Variants in PCOLCE2 observed in about 807,000 individuals in gnomAD.
PCOLCE2 encodes procollagen C-proteinase enhancer 2.
A neutral mutation model predicts 47.0 loss-of-function variants in PCOLCE2; 42 were observed. That is an observed-to-expected ratio of 0.89 (90% CI 0.70 to 1.16). The LOEUF (loss-of-function observed/expected upper bound fraction) is 1.16, where lower values mean the gene tolerates loss of function less well. PCOLCE2 is among the 50% of genes most tolerant of loss of function. PCOLCE2 has a pLI of 0.00. For missense variants in PCOLCE2, 500 were observed against 526.1 expected, an observed-to-expected ratio of 0.95 and a Z score of 0.49; for synonymous variants, 169 against 191.7, an observed-to-expected ratio of 0.88 and a Z score of 0.98.
At chr3:142,823,159 C>T (rs16852649) in intron 7 of PCOLCE2, among the ~76,000 whole-genome samples, 5,082 of 151,980 alleles carry the variant, frequency 0.033, 297 homozygotes, top group African/African-American at 0.12. Flanking sequence ...AATATAAGCT[C>T]GGGTATGTTT....
chr3:142,818,896 C>T (rs1045518905), intron 8 of PCOLCE2, among the ~76,000 whole-genome samples: 1 of 152,220 alleles, frequency 6.6e-6, no homozygotes, highest in Non-Finnish European at 1.5e-5. Context: ...GTTTCAAATG[C>T]CTGCTATGAA....
At chr3:142,857,560 A>G (rs1320036038) in intron 2 of PCOLCE2, among the ~76,000 whole-genome samples, 1 of 152,236 alleles carries the variant, frequency 6.6e-6, no homozygotes, top group African/African-American at 2.4e-5. Context: ...TGACTATAAA[A>G]AAGGGAAAAA....
chr3:142,867,526 C>T (rs537870364), intron 2 of PCOLCE2, among the ~76,000 whole-genome samples: 2 of 152,256 alleles, frequency 1.3e-5, no homozygotes, highest in East Asian at 3.9e-4. Flanking sequence ...AGAATTACAA[C>T]TTCATGATAA....
intron 2 of PCOLCE2, among the ~76,000 whole-genome samples, chr3:142,885,668 ACTC>A (rs1933706565): frequency 6.6e-6 from 1 of 151,980 alleles, no homozygotes; most frequent in Non-Finnish European, 1.5e-5. Flanking sequence ...CACCTTGTCT[ACTC>A]CACCATCTTC....
chr3:142,886,170 G>A (rs1933714987), intron 2 of PCOLCE2, among the ~76,000 whole-genome samples: 1 of 152,132 alleles, frequency 6.6e-6, no homozygotes, highest in African/African-American at 2.4e-5. Context: ...AGGAAATCAT[G>A]CCTCTCCTGA....
chr3:142,870,986 C>T (rs1481384285), intron 2 of PCOLCE2, among the ~76,000 whole-genome samples: 1 of 152,208 alleles, frequency 6.6e-6, no homozygotes, highest in East Asian at 1.9e-4. Context: ...GCTGTGACAT[C>T]ATCACCTGGG....
chr3:142,886,573 G>A (rs1355619014), intron 2 of PCOLCE2, among the ~76,000 whole-genome samples: 1 of 152,194 alleles, frequency 6.6e-6, no homozygotes, highest in Non-Finnish European at 1.5e-5. Context: ...GCATGTAAGA[G>A]CTGAGTTTTA....
At chr3:142,827,612 T>G (rs1937097815) in intron 6 of PCOLCE2, 1 of 1,474,794 alleles carries the variant, frequency 6.8e-7, no homozygotes, top group Non-Finnish European at 9.5e-7. Context: ...ATACACAAAC[T>G]GGCCCGTGTG....
chr3:142,882,730 C>T (rs1933649959), intron 2 of PCOLCE2, among the ~76,000 whole-genome samples: 2 of 151,856 alleles, frequency 1.3e-5, no homozygotes, highest in South Asian at 4.2e-4. Context: ...CAGGCATGAG[C>T]CACTGCACCT....
At chr3:142,824,939 T>C (rs1560129271) in intron 6 of PCOLCE2, among the ~76,000 whole-genome samples, 1 of 152,206 alleles carries the variant, frequency 6.6e-6, no homozygotes, top group Non-Finnish European at 1.5e-5. Flanking sequence ...ATTTATATAC[T>C]CTTAATCTGT....
intron 2 of PCOLCE2, among the ~76,000 whole-genome samples, chr3:142,851,479 T>A (rs1212997495): frequency 6.6e-6 from 1 of 151,972 alleles, no homozygotes; most frequent in Non-Finnish European, 1.5e-5. Flanking sequence ...GGAGTGACCA[T>A]GATGATGTGC....
intron 6 of PCOLCE2, chr3:142,827,053 C>CT (rs1055320574): frequency 2.1e-4 from 219 of 1,057,708 alleles, no homozygotes; most frequent in Non-Finnish European, 2.5e-4. Flanking sequence ...ATGACTCTTA[C>CT]TTTTTTTTGG....
Position 142,855,033 on chromosome 3 carries a change from G to A in PCOLCE2, c.193-6561C>T, listed in dbSNP as rs565710355. 1.1e-4 allele frequency among the ~76,000 whole-genome samples: 17 copies of A among 152,126 alleles called. No homozygotes were observed. The South Asian group carries it at 3.1e-3, about 28-fold the overall frequency. On this transcript the variant is annotated intron_variant, in intron 2 of 8. Transcript: ENST00000295992. ...CCCTCCGAGCTGGTTCCCACCTAAG[G>A]GCCTTTGCACAGCCTGGTCCTCTGC...
At chr3:142,853,263 GC>G in intron 2 of PCOLCE2, among the ~76,000 whole-genome samples, 1 of 152,092 alleles carries the variant, frequency 6.6e-6, no homozygotes, top group Non-Finnish European at 1.5e-5. Context: ...TCCCACTTCT[GC>G]CCTTCTCTCA....
chr3:142,883,796 T>C (rs1394369824), intron 2 of PCOLCE2, among the ~76,000 whole-genome samples: 2 of 152,146 alleles, frequency 1.3e-5, no homozygotes, highest in African/African-American at 4.8e-5. Flanking sequence ...AATGAAAATA[T>C]CAAGGAACAG....
chr3:142,853,969 C>T (rs537578167), intron 2 of PCOLCE2, among the ~76,000 whole-genome samples: 1 of 152,356 alleles, frequency 6.6e-6, no homozygotes, highest in East Asian at 1.9e-4. Context: ...CTCACTGTCA[C>T]AAGCAAACGT....
chr3:142,877,874 TGTTTCTGTGCC>T (rs1378499484), intron 2 of PCOLCE2, among the ~76,000 whole-genome samples: 2 of 152,226 alleles, frequency 1.3e-5, no homozygotes, highest in Admixed American at 1.3e-4. Flanking sequence ...CAATTATTGC[TGTTTCTGTGCC>T]CAATCCAGCA....
At chr3:142,855,523 C>T (rs1302729504) in intron 2 of PCOLCE2, among the ~76,000 whole-genome samples, 3 of 152,180 alleles carry the variant, frequency 2.0e-5, no homozygotes, top group African/African-American at 7.2e-5. Flanking sequence ...GGTCACCAGA[C>T]TTCCACCTTG....
At chr3:142,865,661 G>A (rs1933270083) in intron 2 of PCOLCE2, among the ~76,000 whole-genome samples, 1 of 152,058 alleles carries the variant, frequency 6.6e-6, no homozygotes, top group Non-Finnish European at 1.5e-5. Flanking sequence ...CTTTTTAGAG[G>A]ATAATATAAA....
Sources: allele counts gnomAD v4.1 joint callset (sites outside exome capture counted in the v4.1 genomes callset), GRCh38; gene constraint gnomAD v4.1.1; transcripts MANE v1.5; gene names NCBI Gene and HGNC (gene_info 2026-07-23, HGNC 2026-07-21).